Variants in KDM4C observed in about 807,000 individuals in gnomAD.
KDM4C encodes the protein lysine demethylase 4C, also known as lysine-specific demethylase 4C.
In KDM4C, 81 loss-of-function variants were observed where a neutral mutation model predicts 129.3. That is an observed-to-expected ratio of 0.63 (90% CI 0.52 to 0.75). The LOEUF (loss-of-function observed/expected upper bound fraction) is 0.75, where lower values mean the gene tolerates loss of function less well. Among genes scored for constraint, KDM4C ranks in the 30% least tolerant of loss-of-function variants. The probability of loss-of-function intolerance (pLI) is 0.00; values close to 1 mark genes in which losing one functional copy is unlikely to be tolerated. For synonymous variants in KDM4C, 573 were observed against 456.1 expected, an observed-to-expected ratio of 1.26 and a Z score of -3.26; for missense variants, 1,457 against 1,304.0, an observed-to-expected ratio of 1.12 and a Z score of -1.81.
intron 18 of KDM4C, among the ~76,000 whole-genome samples, chr9:7,121,398 C>G (rs538556908): frequency 5.9e-5 from 9 of 152,304 alleles, no homozygotes; most frequent in African/African-American, 2.2e-4. Flanking sequence ...CAGAAGTGTT[C>G]AAGCCCTCTT....
chr9:6,789,165 G>A (rs926334202), intron 1 of KDM4C, among the ~76,000 whole-genome samples: 3 of 149,948 alleles, frequency 2.0e-5, no homozygotes, highest in East Asian at 2.0e-4. Context: ...CAGTCCTCCC[G>A]TCTCAGCCTC....
At chr9:7,120,375 A>G (rs896644350) in intron 18 of KDM4C, among the ~76,000 whole-genome samples, 1 of 152,174 alleles carries the variant, frequency 6.6e-6, no homozygotes, top group African/African-American at 2.4e-5. Flanking sequence ...GAGTTTTCTT[A>G]TAAGGGCCTG....
At chr9:7,060,589 C>G (rs892386926) in intron 17 of KDM4C, among the ~76,000 whole-genome samples, 1 of 151,884 alleles carries the variant, frequency 6.6e-6, no homozygotes, top group African/African-American at 2.4e-5. Flanking sequence ...TCAAGTGATT[C>G]TCCTGCCTCA....
chr9:7,128,315 T>A (rs569241419), intron 19 of KDM4C, 79 bp downstream of exon 19: 1 of 1,235,996 alleles, frequency 8.1e-7, no homozygotes, highest in Non-Finnish European at 1.1e-6. Context: ...CTTCAGAATT[T>A]TTCTTTTGGC....
At chr9:6,951,202 C>G (rs1206306849) in intron 8 of KDM4C, among the ~76,000 whole-genome samples, 3 of 151,908 alleles carry the variant, frequency 2.0e-5, no homozygotes, top group African/African-American at 7.3e-5. Context: ...TCTTTCTTAG[C>G]TATTTGAAAT....
chr9:6,925,142 G>A (rs1444280701), intron 8 of KDM4C: 5 of 985,400 alleles, frequency 5.1e-6, no homozygotes, highest in Non-Finnish European at 6.0e-6. Context: ...TGGATGCCAA[G>A]CAGTGCCTCA....
At chr9:6,750,353 C>T (rs1337202102) in intron 1 of KDM4C, among the ~76,000 whole-genome samples, 4 of 151,592 alleles carry the variant, frequency 2.6e-5, no homozygotes, top group African/African-American at 9.7e-5. Flanking sequence ...GCAGGAGAAT[C>T]GCTTGAACCT....
At chr9:6,829,811 G>T (rs546522435) in intron 4 of KDM4C, among the ~76,000 whole-genome samples, 13 of 152,260 alleles carry the variant, frequency 8.5e-5, no homozygotes, top group Admixed American at 7.2e-4. Context: ...CTTTGATAAG[G>T]TATATCTATT....
chr9:6,828,545 AC>A (rs1384860963), intron 4 of KDM4C, among the ~76,000 whole-genome samples: 1 of 151,974 alleles, frequency 6.6e-6, no homozygotes, highest in Non-Finnish European at 1.5e-5. Context: ...TCACGTAGAG[AC>A]CGTCTGATCT....
At chr9:6,842,312 CTTTTTT>C (rs759138371) in intron 4 of KDM4C, among the ~76,000 whole-genome samples, 2 of 97,872 alleles carry the variant, frequency 2.0e-5, no homozygotes, top group African/African-American at 8.3e-5. Flanking sequence ...ATCCACATTT[CTTTTTT>C]TTTTTTTTTT....
chr9:7,142,643 G>T (rs1006257382), intron 19 of KDM4C, among the ~76,000 whole-genome samples: 1 of 152,158 alleles, frequency 6.6e-6, no homozygotes, highest in African/African-American at 2.4e-5. Flanking sequence ...AAATGTGTGT[G>T]GTTAGTGGTA....
At chr9:7,144,634 C>T (rs1344001646) in intron 19 of KDM4C, among the ~76,000 whole-genome samples, 2 of 152,244 alleles carry the variant, frequency 1.3e-5, no homozygotes, top group Admixed American at 6.5e-5. Flanking sequence ...CTGGCCCCAC[C>T]ATTCCACTCA....
chr9:6,892,206 G>A (rs1228359603), intron 7 of KDM4C, among the ~76,000 whole-genome samples: 1 of 152,090 alleles, frequency 6.6e-6, no homozygotes, highest in Non-Finnish European at 1.5e-5. Flanking sequence ...ATCCTATTGG[G>A]TGCTGCTGGG....
intron 8 of KDM4C, among the ~76,000 whole-genome samples, chr9:6,954,993 G>A (rs1200011040): frequency 6.6e-6 from 1 of 152,278 alleles, no homozygotes; most frequent in East Asian, 1.9e-4. Flanking sequence ...GGAAGAGTGG[G>A]AACTCTTTAT....
intron 1 of KDM4C, among the ~76,000 whole-genome samples, chr9:6,783,624 G>T (rs1431505330): frequency 2.6e-5 from 4 of 152,196 alleles, no homozygotes; most frequent in Non-Finnish European, 4.4e-5. Flanking sequence ...AGGAATAGGG[G>T]CATGGAAAGG....
intron 8 of KDM4C, among the ~76,000 whole-genome samples, chr9:6,926,797 G>A (rs1322689763): frequency 2.6e-5 from 4 of 152,294 alleles, no homozygotes; most frequent in Admixed American, 6.5e-5. Flanking sequence ...GATCTGTGAG[G>A]CTCCATATTA....
intron 8 of KDM4C, among the ~76,000 whole-genome samples, chr9:6,972,257 A>G (rs566167834): frequency 1.9e-4 from 29 of 150,718 alleles, no homozygotes; most frequent in East Asian, 9.7e-4. Context: ...GTGTGTGTGT[A>G]TATATATATA....
Position 6,839,487 on chromosome 9 carries a change from G to T in KDM4C, c.436-10020G>T, listed in dbSNP as rs576929377. Among the ~76,000 whole-genome samples the T allele has an allele frequency of 7.0e-5, 10 of 143,080 alleles. No individual in the cohort carries two copies. In the South Asian group the frequency reaches 2.4e-3, roughly 34 times the overall value. The allele number at this position is 143,080 out of a possible 152,430, so 93.9% of individuals were successfully genotyped here. ...AGTCTCAGACTCAAGCAATCCTCCC[G>T]CCTCGGCCTCCCAAAATGCTGGGAT... On this transcript the variant is annotated intron_variant, in intron 4 of 21. Transcript: ENST00000381309.
chr9:6,940,346 A>G (rs1210924031), intron 8 of KDM4C, among the ~76,000 whole-genome samples: 1 of 152,154 alleles, frequency 6.6e-6, no homozygotes, highest in East Asian at 1.9e-4. Flanking sequence ...TAGCTGAGAC[A>G]ATCATTCCTG....
Sources: gnomAD v4.1 joint callset for allele counts (sites outside exome capture counted in the v4.1 genomes callset) on GRCh38, gnomAD v4.1.1 for gene constraint, MANE v1.5 for transcripts, NCBI Gene and HGNC (gene_info 2026-07-23, HGNC 2026-07-21) for gene names.